The following PLCG2 variants were observed in gnomAD, a reference collection of about 807,000 sequenced individuals.
The protein encoded by PLCG2 is 1-phosphatidylinositol 4,5-bisphosphate phosphodiesterase gamma-2.
PLCG2 carries 69 observed loss-of-function variants against 175.6 expected under a neutral mutation model. That is an observed-to-expected ratio of 0.39 (90% CI 0.32 to 0.48). PLCG2 has a LOEUF of 0.48. PLCG2 is among the 20% of genes least tolerant of loss of function. PLCG2 has a pLI of 0.91. For missense variants in PLCG2, 1,798 were observed against 1,650.9 expected (o/e 1.09, Z -1.54); for synonymous variants, 827 against 624.0 (o/e 1.33, Z -4.85).
intron 9 of PLCG2, among the ~76,000 whole-genome samples, chr16:81,885,180 C>T (rs1002615951): frequency 2.0e-5 from 3 of 152,126 alleles, no homozygotes; most frequent in Non-Finnish European, 4.4e-5. Context: ...GCGTCTGCCA[C>T]AACACCTGTA....
chr16:81,945,554 G>A (rs1290624059), intron 30 of PLCG2, among the ~76,000 whole-genome samples: 1 of 152,202 alleles, frequency 6.6e-6, no homozygotes, highest in African/African-American at 2.4e-5. Flanking sequence ...TTTGAGATGT[G>A]TTGCCTTAAA....
rs189485601 is a variant in PLCG2 at position 81,914,455 on chromosome 16, C to T, written c.2054+1739C>T. On this transcript the variant is annotated intron_variant, in intron 19 of 32. Coordinates refer to ENST00000564138, the MANE Select transcript of PLCG2 (RefSeq NM_002661.5). ...GGGGTTGGGGTCACTTCAATGGGACCGCGTGAATGAAGAGGTTGGGTGGGT... is the reference window on the plus strand; with the variant it reads ...GGGGTTGGGGTCACTTCAATGGGACTGCGTGAATGAAGAGGTTGGGTGGGT... Among the ~76,000 whole-genome samples, 472 of 152,228 alleles carry T rather than the reference C, an allele frequency of 3.1e-3. 3 individuals carry two copies. Among genetic ancestry groups the T allele is most frequent in the African/African-American group, 0.011 (443 of 41,514 alleles).
At chr16:81,841,126 A>T (rs1176115327) in intron 2 of PLCG2, among the ~76,000 whole-genome samples, 1 of 152,220 alleles carries the variant, frequency 6.6e-6, no homozygotes, top group Admixed American at 6.5e-5. Flanking sequence ...CGCAGTGGCA[A>T]CAACTCTGTT....
In PLCG2 at chr16:81,909,059, A is replaced by T. The variant is rs114642466; in HGVS notation, c.1733+468A>T. Among the ~76,000 whole-genome samples, 476 of 152,298 alleles carry T rather than the reference A, an allele frequency of 3.1e-3. 2 individuals carry two copies. The highest frequency in any genetic ancestry group is 0.011 in the African/African-American group (454 of 41,564). On this transcript the variant is annotated intron_variant, in intron 17 of 32. Transcript: ENST00000564138. ...CTGTGATGAGCTTGTGCATTCATTCATCCACCCACTTATCCATGTCTCAGT... is the reference window on the plus strand; with the variant it reads ...CTGTGATGAGCTTGTGCATTCATTCTTCCACCCACTTATCCATGTCTCAGT...
rs113699477 is a variant in PLCG2, at chr16:81,800,511, C to G, written c.193+14329C>G. The stretch of plus-strand genomic sequence containing the variant: ...TTAGTTTGCTGAGGATGATGGCTTC[C>G]AGCTTCATCTATGTCCCTGCGAAGG... On this transcript the variant is annotated intron_variant, in intron 2 of 32. Coordinates refer to ENST00000564138, the MANE Select transcript of PLCG2 (RefSeq NM_002661.5). 4.6e-5 allele frequency among the ~76,000 whole-genome samples: 7 copies of G among 152,054 alleles called. No homozygotes were observed. In the South Asian group the frequency reaches 1.4e-3, roughly 31 times the overall value.
intron 18 of PLCG2, 116 bp from the exon 19 acceptor site, chr16:81,912,481 C>T (rs1468453997): frequency 3.2e-5 from 41 of 1,262,334 alleles, no homozygotes; most frequent in Admixed American, 1.0e-4. Context: ...TTTCCATGGT[C>T]GTTTCCAGGG....
chr16:81,739,359 C>G (rs1909533041), exon 1 of PLCG2: 1 of 151,978 alleles, frequency 6.6e-6, no homozygotes, highest in Admixed American at 6.6e-5. Flanking sequence ...ACACAGCCAA[C>G]TTGCGCTTGT....
chr16:81,803,239 C>T (rs1321770182), intron 2 of PLCG2, among the ~76,000 whole-genome samples: 1 of 151,870 alleles, frequency 6.6e-6, no homozygotes, highest in Non-Finnish European at 1.5e-5. Context: ...CTGCCTCAGC[C>T]TCCTGAGTAG....
chr16:81,876,272 C>G (rs1020513489), intron 7 of PLCG2, among the ~76,000 whole-genome samples: 1 of 152,172 alleles, frequency 6.6e-6, no homozygotes, highest in Non-Finnish European at 1.5e-5. Flanking sequence ...ATCCACCCGC[C>G]TTGGCCTCCC....
At chr16:81,786,338 C>T (rs967542844) in intron 2 of PLCG2, among the ~76,000 whole-genome samples, 156 bp downstream of exon 2, 10 of 152,136 alleles carry the variant, frequency 6.6e-5, no homozygotes, top group African/African-American at 2.4e-4. Flanking sequence ...TTGTGTGGAT[C>T]TCTGATGAGG....
chr16:81,944,995 G>A (rs1567544937), intron 30 of PLCG2, among the ~76,000 whole-genome samples: 1 of 152,156 alleles, frequency 6.6e-6, no homozygotes, highest in Non-Finnish European at 1.5e-5. Flanking sequence ...GCCTCCCTTT[G>A]TGGGAGAATT....
At position 81,858,111 on chromosome 16, in the gene PLCG2, C is replaced by T. The variant is rs546818050; in HGVS notation, c.338-152C>T. ...CAAAAAGCAGGTCCTAGGGCCATGA[C>T]GGTGTGAAAGGGGATGCTTTCTTTG... On this transcript the variant is annotated intron_variant, in intron 3 of 32. Transcript: ENST00000564138. 276 of 642,432 alleles carry T rather than the reference C, an allele frequency of 4.3e-4. 1 individual carries two copies. The highest frequency in any genetic ancestry group is 3.7e-3 in the African/African-American group (198 of 53,298). 39.8% of individuals were successfully genotyped at this position (642,432 alleles called of 1,614,324 possible).
At chr16:81,952,815 T>C (rs1471240103) in intron 31 of PLCG2, among the ~76,000 whole-genome samples, 1 of 152,190 alleles carries the variant, frequency 6.6e-6, no homozygotes, top group Non-Finnish European at 1.5e-5. Context: ...TACTGATGAA[T>C]GCAAAATGAA....
At chr16:81,946,787 A>T (rs1911167326) in intron 31 of PLCG2, among the ~76,000 whole-genome samples, 2 of 152,198 alleles carry the variant, frequency 1.3e-5, no homozygotes, top group Non-Finnish European at 2.9e-5. Context: ...CCTTAGGATC[A>T]ATACTCAGAT....
intron 2 of PLCG2, among the ~76,000 whole-genome samples, chr16:81,765,434 C>T (rs984618854): frequency 1.3e-5 from 2 of 152,350 alleles, no homozygotes; most frequent in African/African-American, 2.4e-5. Context: ...AGTTCAAGAC[C>T]AGCCTGGGCT....
intron 2 of PLCG2, among the ~76,000 whole-genome samples, chr16:81,769,819 C>CAAAAAAAAAAA (rs71146043): frequency 1.3e-5 from 1 of 75,658 alleles, no homozygotes; most frequent in Non-Finnish European, 2.3e-5. Flanking sequence ...GACTCCGTCT[C>CAAAAAAAAAAA]AAAAAAAAAA....
chr16:81,895,392 C>T (rs912398726), intron 12 of PLCG2, among the ~76,000 whole-genome samples: 1 of 152,098 alleles, frequency 6.6e-6, no homozygotes, highest in African/African-American at 2.4e-5. Flanking sequence ...AACCCTGTCT[C>T]TACTAAAATA....
chr16:81,905,493 G>C lies in PLCG2; in HGVS notation c.1453G>C (p.Asp485His). 6.2e-7 allele frequency: 1 copy of C among 1,613,768 alleles called. No homozygotes were observed. Among genetic ancestry groups the C allele is most frequent in the African/African-American group, 1.3e-5 (1 of 75,046 alleles). Residue 485 changes from aspartate (D) to histidine (H), a missense_variant, in exon 15 of 33, where the codon GAT becomes CAT. Coordinates refer to ENST00000564138, the MANE Select transcript of PLCG2 (RefSeq NM_002661.5). ...GCAACAGGGGGAGCTGTACATGTGG[G>C]ATTCCATTGACCAGGTGGGCCTTGG... ...HKQQGELYMW[D>H]SIDQKWTRHY...
At chr16:81,907,502 C>A (rs79732035) in intron 15 of PLCG2, among the ~76,000 whole-genome samples, 183 bp from the exon 16 acceptor site, 1 of 152,108 alleles carries the variant, frequency 6.6e-6, no homozygotes, top group South Asian at 2.1e-4. Context: ...CAAAATGCAT[C>A]GATATTTTAA....
Sources: allele counts gnomAD v4.1 joint callset (sites outside exome capture counted in the v4.1 genomes callset), GRCh38; gene constraint gnomAD v4.1.1; transcripts MANE v1.5; gene names NCBI Gene and HGNC (gene_info 2026-07-23, HGNC 2026-07-21).